The following LACTB2 variants were observed in gnomAD, a reference collection of about 807,000 sequenced individuals.
The protein encoded by LACTB2 is lactamase beta 2.
A neutral mutation model predicts 34.8 loss-of-function variants in LACTB2; 32 were observed. That is an observed-to-expected ratio of 0.92 (90% confidence interval 0.69 to 1.24). LACTB2 has a LOEUF of 1.24. Among genes scored for constraint, LACTB2 ranks in the 50% most tolerant of loss-of-function variants. LACTB2 has a pLI of 0.00. For synonymous variants in LACTB2, 120 were observed against 117.5 expected, an observed-to-expected ratio of 1.02 and a Z score of -0.14; for missense variants, 320 against 345.0, an observed-to-expected ratio of 0.93 and a Z score of 0.57.
rs114323782 is a variant in LACTB2 at position 70,637,537 on chromosome 8, C to T, written c.*323G>A. 2.9e-3 allele frequency: 460 copies of T among 160,802 alleles called. 1 individual carries two copies. Among genetic ancestry groups the T allele is most frequent in the African/African-American group, 8.6e-3 (359 of 41,834 alleles). 10.0% of individuals were successfully genotyped at this position (160,802 alleles called of 1,614,324 possible). The stretch of plus-strand genomic sequence containing the variant: ...CTGATCACTAGTAATAGATAACTAA[C>T]GGCCAAAAATAATATCAACTTTAAA... On this transcript the variant is annotated 3_prime_UTR_variant, in exon 7 of 7. Coordinates refer to ENST00000276590, the MANE Select transcript of LACTB2 (RefSeq NM_016027.3).
intron 1 of LACTB2, chr8:70,662,841 C>A (rs1162966077): frequency 6.6e-6 from 1 of 152,150 alleles, no homozygotes; most frequent in Non-Finnish European, 1.5e-5. Flanking sequence ...GTATGTGCCA[C>A]CATGCCCGGC....
intron 3 of LACTB2, among the ~76,000 whole-genome samples, chr8:70,656,296 T>C (rs911644541): frequency 1.3e-5 from 2 of 152,250 alleles, no homozygotes; most frequent in Non-Finnish European, 2.9e-5. Context: ...TGTTATCTTC[T>C]GTAATTTTTA....
intron 1 of LACTB2, among the ~76,000 whole-genome samples, chr8:70,665,962 T>C (rs1460132076): frequency 6.6e-6 from 1 of 152,212 alleles, no homozygotes; most frequent in South Asian, 2.1e-4. Flanking sequence ...ATTGAGTACC[T>C]ATGTACTAAG....
chr8:70,669,006 C>A lies in LACTB2; in HGVS notation c.115G>T (p.Gly39Cys). The A allele has an allele frequency of 6.3e-7, 1 of 1,589,280 alleles. No homozygotes were observed. The highest frequency in any genetic ancestry group is 8.6e-7 in the Non-Finnish European group (1 of 1,168,340). The change falls in exon 1 of 7, where the codon GGC (glycine) becomes TGC (cysteine). Residue 39 changes from glycine (G) to cysteine (C), a missense_variant. Gly to Cys is a radical substitution (Grantham distance 159). Transcript: ENST00000276590. Reference protein sequence around the residue: ...QGTNTYLVGTGPRRILIDTGE... With the variant: ...QGTNTYLVGTCPRRILIDTGE... ...TTGGAGAGGGACGTTTACCTGGGGC[C>A]GGTCCCCACTAGGTAGGTGTTGGTG...
intron 3 of LACTB2, chr8:70,652,430 A>C (rs1818354642): frequency 6.6e-6 from 1 of 152,230 alleles, no homozygotes; most frequent in Admixed American, 6.5e-5. Flanking sequence ...GCTTTAGCTT[A>C]ATGAGAATTT....
At chr8:70,648,606 G>C (rs1463987307) in intron 3 of LACTB2, among the ~76,000 whole-genome samples, 1 of 152,004 alleles carries the variant, frequency 6.6e-6, no homozygotes, top group Non-Finnish European at 1.5e-5. Flanking sequence ...TAGTACAGGA[G>C]TTCTAACAAA....
intron 3 of LACTB2, among the ~76,000 whole-genome samples, chr8:70,648,032 G>A (rs1233084422): frequency 2.0e-5 from 3 of 152,104 alleles, no homozygotes; most frequent in Non-Finnish European, 4.4e-5. Flanking sequence ...TGGCAGCCAG[G>A]CCTTTACGCT....
chr8:70,646,849 A>AC (rs1818270009), intron 3 of LACTB2: 1 of 152,214 alleles, frequency 6.6e-6, no homozygotes, highest in Non-Finnish European at 1.5e-5. Context: ...ACTTTGAATT[A>AC]TGTGTTATTC....
intron 2 of LACTB2, among the ~76,000 whole-genome samples, chr8:70,658,251 T>G (rs1205334519): frequency 6.6e-6 from 1 of 152,202 alleles, no homozygotes; most frequent in Admixed American, 6.5e-5. Context: ...GTAGCAAAGG[T>G]GTCATGACAG....
At chr8:70,638,745 T>A in intron 5 of LACTB2, 116 bp from the exon 6 acceptor site, 8 of 196,686 alleles carry the variant, frequency 4.1e-5, no homozygotes, top group Non-Finnish European at 6.6e-5. Flanking sequence ...CTTAAACACA[T>A]TTTTTTTTTT....
chr8:70,661,977 A>G (rs1818485854), intron 1 of LACTB2, 80 bp from the exon 2 acceptor site: 1 of 1,268,248 alleles, frequency 7.9e-7, no homozygotes. Context: ...GATAATTTAC[A>G]TTAAAGAAAC....
chr8:70,669,133 C>T lies in LACTB2; in HGVS notation c.-13G>A. 6.2e-7 allele frequency: 1 copy of T among 1,608,192 alleles called. No homozygotes were observed. The highest frequency in any genetic ancestry group is 8.5e-7 in the Non-Finnish European group (1 of 1,177,744). On this transcript the variant is annotated 5_prime_UTR_variant, in exon 1 of 7. Coordinates refer to ENST00000276590, the MANE Select transcript of LACTB2 (RefSeq NM_016027.3). ...GTACAGCAGCCATTCCCGCCTCAGCCGCCCGCCGGCGTGTCGCCTATCTGG... is the reference window on the plus strand; with the variant it reads ...GTACAGCAGCCATTCCCGCCTCAGCTGCCCGCCGGCGTGTCGCCTATCTGG...
Position 70,637,922 on chromosome 8 carries a change from AG to A in LACTB2, c.824-20del. The A allele has an allele frequency of 6.8e-7, 1 of 1,480,180 alleles. No individual in the cohort carries two copies. The highest frequency in any genetic ancestry group is 9.1e-7 in the Non-Finnish European group (1 of 1,094,610). The allele number at this position is 1,480,180 out of a possible 1,614,324, so 91.7% of individuals were successfully genotyped here. A position where few individuals can be genotyped will look rare whatever the true frequency, so the allele number is the denominator to read the frequency against. The stretch of plus-strand genomic sequence containing the variant: ...TTGCTAACTGTAAAAAGAAAATCAG[AG>A]AGTAAAAATTTAACAATAGATAAGT... On this transcript the variant is annotated intron_variant, in intron 6 of 6. Transcript: ENST00000276590.
At chr8:70,647,159 T>C (rs1818273517) in intron 3 of LACTB2, among the ~76,000 whole-genome samples, 1 of 152,152 alleles carries the variant, frequency 6.6e-6, no homozygotes. Flanking sequence ...TTAAATTATA[T>C]TTTATTTAGT....
At chr8:70,665,339 T>G (rs1024721438) in intron 1 of LACTB2, among the ~76,000 whole-genome samples, 1 of 152,222 alleles carries the variant, frequency 6.6e-6, no homozygotes, top group Admixed American at 6.5e-5. Context: ...ACACAATAAC[T>G]GTTTGCTACA....
At chr8:70,667,791 C>T (rs1315283089) in intron 1 of LACTB2, among the ~76,000 whole-genome samples, 1 of 152,180 alleles carries the variant, frequency 6.6e-6, no homozygotes, top group Non-Finnish European at 1.5e-5. Flanking sequence ...TGAGACAATA[C>T]ACTGATCTCC....
intron 3 of LACTB2, among the ~76,000 whole-genome samples, chr8:70,649,314 G>GC (rs1330362264): frequency 6.6e-6 from 1 of 152,148 alleles, no homozygotes; most frequent in Non-Finnish European, 1.5e-5. Context: ...GCCGACAGGA[G>GC]CAAGTTATTA....
At chr8:70,646,414 A>C (rs1218061235) in intron 3 of LACTB2, 2 of 152,260 alleles carry the variant, frequency 1.3e-5, no homozygotes, top group Non-Finnish European at 1.5e-5. Context: ...TCTCAAAAGA[A>C]GACATTTATG....
intron 4 of LACTB2, among the ~76,000 whole-genome samples, chr8:70,641,624 G>T (rs972396182): frequency 2.6e-5 from 4 of 152,122 alleles, no homozygotes; most frequent in African/African-American, 9.7e-5. Flanking sequence ...GTAAAAAGCA[G>T]TTTCATGTAC....
Sources: gnomAD v4.1 joint callset for allele counts (sites outside exome capture counted in the v4.1 genomes callset) on GRCh38, gnomAD v4.1.1 for gene constraint, MANE v1.5 for transcripts, NCBI Gene and HGNC (gene_info 2026-07-23, HGNC 2026-07-21) for gene names.